The following SCTR variants were observed in gnomAD, a reference collection of about 807,000 sequenced individuals.
The protein encoded by SCTR is secretin receptor.
SCTR carries 56 observed loss-of-function variants against 60.8 expected under a neutral mutation model. The observed-to-expected ratio is 0.92, with a 90% CI of 0.74 to 1.15. The LOEUF is 1.15. Among genes scored for constraint, SCTR ranks in the 50% most tolerant of loss-of-function variants. The pLI is 0.00. For synonymous variants in SCTR, 202 were observed against 217.0 expected, an observed-to-expected ratio of 0.93 and a Z score of 0.61; for missense variants, 562 against 550.4, an observed-to-expected ratio of 1.02 and a Z score of -0.21.
intron 7 of SCTR, among the ~76,000 whole-genome samples, chr2:119,457,401 A>C (rs947982135): frequency 6.6e-6 from 1 of 152,210 alleles, no homozygotes; most frequent in African/African-American, 2.4e-5. Context: ...GGAAGAATGG[A>C]GGTAGAGGAT....
intron 7 of SCTR, among the ~76,000 whole-genome samples, chr2:119,453,683 G>A (rs1160103399): frequency 6.6e-6 from 1 of 152,342 alleles, no homozygotes; most frequent in East Asian, 1.9e-4. Flanking sequence ...TGGACACATG[G>A]AGGCAGCTGG....
chr2:119,487,909 C>G (rs559208558), intron 2 of SCTR, among the ~76,000 whole-genome samples: 16 of 152,224 alleles, frequency 1.1e-4, no homozygotes, highest in African/African-American at 3.9e-4. Context: ...AGCAGCCCCT[C>G]CCCCCACACA....
intron 1 of SCTR, among the ~76,000 whole-genome samples, chr2:119,503,501 A>C (rs1678625874): frequency 6.6e-6 from 1 of 152,168 alleles, no homozygotes; most frequent in Non-Finnish European, 1.5e-5. Flanking sequence ...GCACTACTGC[A>C]CTCCAGTCTG....
At chr2:119,450,078 A>AAAATAAATAAATAAAT (rs140544177) in intron 9 of SCTR, among the ~76,000 whole-genome samples, 8 of 145,190 alleles carry the variant, frequency 5.5e-5, no homozygotes, top group East Asian at 3.9e-4. Context: ...GAAAGAAAGA[A>AAAATAAATAAATAAAT]AAATAAATAA....
At chr2:119,494,681 T>G in intron 1 of SCTR, 133 bp from the exon 2 acceptor site, 2 of 904,456 alleles carry the variant, frequency 2.2e-6, no homozygotes, top group Non-Finnish European at 3.3e-6. Context: ...AAGGATCTCC[T>G]GGTCTGCAGG....
intron 1 of SCTR, among the ~76,000 whole-genome samples, chr2:119,506,876 C>A (rs1314319164): frequency 2.0e-4 from 31 of 152,132 alleles, no homozygotes; most frequent in Admixed American, 1.9e-3. Flanking sequence ...GTGGAAATAA[C>A]TATAATAGGG....
chr2:119,494,982 T>C (rs1678290239), intron 1 of SCTR, among the ~76,000 whole-genome samples: 1 of 152,158 alleles, frequency 6.6e-6, no homozygotes, highest in Non-Finnish European at 1.5e-5. Flanking sequence ...TCACTCAGGC[T>C]GGAGTGCAGT....
At position 119,439,888 on chromosome 2, in the gene SCTR, G is replaced by T; in HGVS notation, c.*229C>A. On this transcript the variant is annotated 3_prime_UTR_variant, in exon 13 of 13. Transcript: ENST00000019103. ...CATTTATTTCCCTGTCCCTTTCTGG[G>T]ACCCCTGAACTTCTCTTCCCAGAAG... The T allele has an allele frequency of 2.0e-6, 1 of 505,580 alleles. No homozygotes were observed. Among genetic ancestry groups the T allele is most frequent in the South Asian group, 3.5e-5 (1 of 28,706 alleles). 31.3% of individuals were successfully genotyped at this position (505,580 alleles called of 1,614,324 possible). A position where few individuals can be genotyped will look rare whatever the true frequency, so the allele number is the denominator to read the frequency against.
At chr2:119,450,059 A>G (rs140352301) in intron 9 of SCTR, among the ~76,000 whole-genome samples, 1,435 of 123,920 alleles carry the variant, frequency 0.012, 28 homozygotes, top group African/African-American at 0.054. Context: ...AAAAAGAAAG[A>G]AAAAGAAAGA....
intron 3 of SCTR, among the ~76,000 whole-genome samples, chr2:119,474,152 G>GC (rs1470860763): frequency 6.6e-6 from 1 of 152,082 alleles, no homozygotes; most frequent in Admixed American, 6.5e-5. Context: ...GCTGCTCACT[G>GC]CCCCCCACCC....
chr2:119,521,554 G>A (rs1034823612), intron 1 of SCTR, among the ~76,000 whole-genome samples: 5 of 152,102 alleles, frequency 3.3e-5, no homozygotes, highest in Non-Finnish European at 7.4e-5. Context: ...GCTGTGATCA[G>A]TATTTCTTAT....
intron 1 of SCTR, among the ~76,000 whole-genome samples, chr2:119,523,224 A>G (rs1436981657): frequency 6.6e-6 from 1 of 151,564 alleles, no homozygotes; most frequent in Non-Finnish European, 1.5e-5. Context: ...GTGGGAAGGG[A>G]TGATTCTGGA....
chr2:119,498,627 A>G (rs1678431412), intron 1 of SCTR, among the ~76,000 whole-genome samples: 1 of 152,136 alleles, frequency 6.6e-6, no homozygotes, highest in South Asian at 2.1e-4. Context: ...AAGATTCTAT[A>G]CTATCCTTGA....
At chr2:119,485,404 G>C (rs1249933727) in intron 2 of SCTR, among the ~76,000 whole-genome samples, 1 of 152,214 alleles carries the variant, frequency 6.6e-6, no homozygotes, top group East Asian at 1.9e-4. Context: ...GGGTGGGTTG[G>C]GGGAGGACTG....
chr2:119,461,063 C>T (rs1181062715), intron 7 of SCTR, among the ~76,000 whole-genome samples: 1 of 152,174 alleles, frequency 6.6e-6, no homozygotes, highest in Admixed American at 6.5e-5. Flanking sequence ...GCCGATGTTA[C>T]GAAAGGCAAA....
At chr2:119,514,158 G>A (rs1423667686) in intron 1 of SCTR, among the ~76,000 whole-genome samples, 1 of 152,124 alleles carries the variant, frequency 6.6e-6, no homozygotes, top group South Asian at 2.1e-4. Context: ...TTTTCCAGAT[G>A]GTAGACATGT....
At chr2:119,496,922 C>A (rs138290925) in intron 1 of SCTR, among the ~76,000 whole-genome samples, 2 of 152,080 alleles carry the variant, frequency 1.3e-5, no homozygotes, top group Non-Finnish European at 2.9e-5. Flanking sequence ...GGAGGTGATA[C>A]GTGTGTTTCA....
intron 7 of SCTR, among the ~76,000 whole-genome samples, chr2:119,456,159 C>T (rs1183718205): frequency 6.8e-6 from 1 of 147,918 alleles, no homozygotes; most frequent in African/African-American, 2.5e-5. Context: ...CACCCGGGTT[C>T]AAGTGATTCT....
At chr2:119,509,519 A>G (rs1337882551) in intron 1 of SCTR, among the ~76,000 whole-genome samples, 1 of 152,218 alleles carries the variant, frequency 6.6e-6, no homozygotes, top group African/African-American at 2.4e-5. Flanking sequence ...ATGGGATAAC[A>G]TATCTATGAT....
Sources: gnomAD v4.1 joint callset for allele counts (sites outside exome capture counted in the v4.1 genomes callset) on GRCh38, gnomAD v4.1.1 for gene constraint, MANE v1.5 for transcripts, NCBI Gene and HGNC (gene_info 2026-07-23, HGNC 2026-07-21) for gene names.